The following CAPN3 variants were observed in gnomAD, a reference collection of about 807,000 sequenced individuals.
The protein encoded by CAPN3 is calpain-3.
Under a neutral mutation model 114.0 loss-of-function variants are expected in CAPN3, and 88 were observed. That is an observed-to-expected ratio of 0.77 (90% CI 0.65 to 0.92). CAPN3 has a LOEUF of 0.92. Among genes scored for constraint, CAPN3 ranks in the 40% least tolerant of loss-of-function variants. CAPN3 has a pLI of 0.00. For synonymous variants in CAPN3, 386 were observed against 382.9 expected, an observed-to-expected ratio of 1.01 and a Z score of -0.09; for missense variants, 1,028 against 1,069.0, an observed-to-expected ratio of 0.96 and a Z score of 0.53.
intron 1 of CAPN3, among the ~76,000 whole-genome samples, chr15:42,366,943 C>G (rs2052800514): frequency 6.6e-6 from 1 of 151,124 alleles, no homozygotes; most frequent in Non-Finnish European, 1.5e-5. Flanking sequence ...AACCAATCCT[C>G]CCACCTTGGC....
chr15:42,392,420 A>C lies in CAPN3; in HGVS notation c.946-219A>C, dbSNP rs555427381. Among the ~76,000 whole-genome samples the C allele has an allele frequency of 9.2e-5, 14 of 152,238 alleles. No individual in the cohort carries two copies. The East Asian group carries it at 2.5e-3, about 27-fold the overall frequency. ...CACATTGCTCTCTGATGGTCAGGAC[A>C]GAGCCTTCTCAGGGAGACCAGCCTG... On this transcript the variant is annotated intron_variant, in intron 6 of 23. Transcript: ENST00000397163.
At chr15:42,391,281 A>G (rs1397134357) in intron 6 of CAPN3, among the ~76,000 whole-genome samples, 5 of 152,204 alleles carry the variant, frequency 3.3e-5, no homozygotes, top group South Asian at 2.1e-4. Context: ...GAACATCCCA[A>G]TAGATACATC....
At chr15:42,394,810 G>A (rs534672653) in intron 8 of CAPN3, among the ~76,000 whole-genome samples, 1 of 152,276 alleles carries the variant, frequency 6.6e-6, no homozygotes, top group South Asian at 2.1e-4. Flanking sequence ...AAAGGCACAA[G>A]GGCCCTTTGA....
At chr15:42,390,928 A>G (rs1174757076) in intron 6 of CAPN3, among the ~76,000 whole-genome samples, 2 of 151,036 alleles carry the variant, frequency 1.3e-5, no homozygotes, top group Non-Finnish European at 2.9e-5. Context: ...CATAGCTGGG[A>G]TTACAGGCAC....
chr15:42,362,443 A>C (rs565497160), intron 1 of CAPN3, among the ~76,000 whole-genome samples: 21 of 152,302 alleles, frequency 1.4e-4, no homozygotes, highest in African/African-American at 4.8e-4. Flanking sequence ...TGAGGGGTGC[A>C]GAAGACTTGT....
intron 14 of CAPN3, chr15:42,403,990 G>A (rs768311830): frequency 3.0e-6 from 2 of 659,824 alleles, no homozygotes; most frequent in Non-Finnish European, 5.6e-6. Flanking sequence ...CAGTTCAGGG[G>A]CTGGGAAATA....
At chr15:42,366,435 GA>G (rs776890256) in intron 1 of CAPN3, among the ~76,000 whole-genome samples, 1 of 151,916 alleles carries the variant, frequency 6.6e-6, no homozygotes, top group Non-Finnish European at 1.5e-5. Context: ...TACACCAGGA[GA>G]AAAAAAAGTA....
intron 14 of CAPN3, chr15:42,404,973 G>C (rs1161439163): frequency 1.0e-6 from 1 of 994,134 alleles, no homozygotes; most frequent in Non-Finnish European, 1.2e-6. Context: ...GAGCAGGCAG[G>C]TGCAGGGGTT....
intron 16 of CAPN3, 78 bp from the exon 17 acceptor site, chr15:42,409,225 C>T: frequency 7.0e-7 from 1 of 1,434,656 alleles, no homozygotes; most frequent in Non-Finnish European, 9.8e-7. Context: ...ACTTGGCTCC[C>T]TTGGCCCAGA....
In CAPN3 at chr15:42,410,663, G is replaced by A. The variant is rs137927542; in HGVS notation, c.2260G>A (p.Ala754Thr). ...SYEMRNAVND[A>T]GFHLNNQLYD... ...CGAGATGCGAAATGCAGTCAACGAC[G>A]CAGGTGCTGAGAAGGAAGGGGTGGC... The change falls in exon 21 of 24, where the codon GCA becomes ACA. Residue 754 changes from alanine to threonine, a missense_variant. Physicochemically the swap from Ala to Thr is moderately conservative, Grantham distance 58 (BLOSUM62 0). Coordinates refer to ENST00000397163, the MANE Select transcript of CAPN3 (RefSeq NM_000070.3). 2.5e-5 allele frequency: 40 copies of A among 1,613,176 alleles called. No individual in the cohort carries two copies. The highest frequency in any genetic ancestry group is 2.1e-4 in the South Asian group (19 of 91,006).
At chr15:42,385,651 G>T in intron 2 of CAPN3, 1 of 517,288 alleles carries the variant, frequency 1.9e-6, no homozygotes. Flanking sequence ...TCATTCCGTT[G>T]CCAGCAATGT....
intron 9 of CAPN3, 74 bp downstream of exon 9, chr15:42,396,951 C>T (rs1390909287): frequency 6.4e-6 from 7 of 1,086,306 alleles, no homozygotes; most frequent in Non-Finnish European, 8.5e-6. Context: ...CCTCAGTCCC[C>T]AGCTAAGGTT....
chr15:42,373,533 G>A (rs2053010555), intron 1 of CAPN3, among the ~76,000 whole-genome samples: 2 of 152,236 alleles, frequency 1.3e-5, no homozygotes, highest in Admixed American at 6.5e-5. Flanking sequence ...TTTAAGCACA[G>A]TGAAAGTTGA....
At chr15:42,369,223 C>T (rs1360150250) in intron 1 of CAPN3, among the ~76,000 whole-genome samples, 1 of 152,034 alleles carries the variant, frequency 6.6e-6, no homozygotes, top group African/African-American at 2.4e-5. Context: ...GTTTATCTTA[C>T]GGTTGGAATG....
At chr15:42,367,503 T>C (rs1002329984) in intron 1 of CAPN3, among the ~76,000 whole-genome samples, 1 of 152,234 alleles carries the variant, frequency 6.6e-6, no homozygotes, top group African/African-American at 2.4e-5. Flanking sequence ...AAGTGTATTA[T>C]ATACTCCAGA....
intron 1 of CAPN3, among the ~76,000 whole-genome samples, chr15:42,374,797 T>C (rs1269692475): frequency 1.7e-5 from 2 of 117,678 alleles, no homozygotes; most frequent in Non-Finnish European, 3.4e-5. Context: ...CATGTCTCTT[T>C]TTTTTTTTTT....
At chr15:42,398,147 C>CCATATTTTGGGGGTACATAT (rs2053754779) in intron 9 of CAPN3, among the ~76,000 whole-genome samples, 1 of 139,698 alleles carries the variant, frequency 7.2e-6, no homozygotes, top group Non-Finnish European at 1.5e-5. Context: ...ACATATGTAC[C>CCATATTTTGGGGGTACATAT]CATATTTTGG....
chr15:42,403,841 A>G, intron 14 of CAPN3, 64 bp downstream of exon 14: 2 of 1,432,668 alleles, frequency 1.4e-6, no homozygotes, highest in South Asian at 2.3e-5. Context: ...CATGCAGGGG[A>G]CAGATGGTGC....
Position 42,396,661 on chromosome 15 carries a change from C to G in CAPN3, c.1116-139C>G, listed in dbSNP as rs2053702474. ...GAAGTCATTGCTATTGGGTTTCACA[C>G]TGAGGTTAACAGGTGAAGTCAGCAT... On this transcript the variant is annotated intron_variant, in intron 8 of 23. Coordinates refer to ENST00000397163, the MANE Select transcript of CAPN3 (RefSeq NM_000070.3). 1.7e-5 allele frequency: 12 copies of G among 702,060 alleles called. No individual in the cohort carries two copies. In the South Asian group the frequency reaches 1.9e-4, roughly 11 times the overall value. 43.5% of individuals were successfully genotyped at this position (702,060 alleles called of 1,614,324 possible).
Sources: gnomAD v4.1 joint callset for allele counts (sites outside exome capture counted in the v4.1 genomes callset) on GRCh38, gnomAD v4.1.1 for gene constraint, MANE v1.5 for transcripts, NCBI Gene and HGNC (gene_info 2026-07-23, HGNC 2026-07-21) for gene names.